Variants in ZCWPW2 observed in about 807,000 individuals in gnomAD.
The protein encoded by ZCWPW2 is zinc finger CW-type PWWP domain protein 2.
In ZCWPW2, 45 loss-of-function variants were observed where a neutral mutation model predicts 46.6. The observed-to-expected ratio is 0.96, with a 90% CI of 0.76 to 1.24. The LOEUF (loss-of-function observed/expected upper bound fraction) is 1.24. Ranked by LOEUF, ZCWPW2 falls within the 50% of genes most tolerant of loss-of-function variation. The pLI is 0.00. For missense variants in ZCWPW2, 429 were observed against 403.9 expected (o/e 1.06, Z -0.53); for synonymous variants, 152 against 137.1 (o/e 1.11, Z -0.76).
At chr3:28,483,277 T>C (rs562049927) in intron 5 of ZCWPW2, among the ~76,000 whole-genome samples, 1 of 152,336 alleles carries the variant, frequency 6.6e-6, no homozygotes, top group East Asian at 1.9e-4. Context: ...TGCTCCTTTA[T>C]CAATTATCTA....
intron 4 of ZCWPW2, among the ~76,000 whole-genome samples, chr3:28,441,230 C>T (rs964378502): frequency 2.0e-5 from 3 of 152,204 alleles, no homozygotes; most frequent in African/African-American, 7.2e-5. Flanking sequence ...ATACAAATAT[C>T]TTCACCGTTT....
intron 3 of ZCWPW2, among the ~76,000 whole-genome samples, chr3:28,421,237 T>C: frequency 6.6e-6 from 1 of 152,112 alleles, no homozygotes; most frequent in Admixed American, 6.6e-5. Context: ...CTCTAGGTAG[T>C]AGGGGTAGGA....
intron 4 of ZCWPW2, among the ~76,000 whole-genome samples, chr3:28,474,804 TTTGTTGTTGTTGTTGTTG>T (rs139673277): frequency 6.7e-6 from 1 of 148,828 alleles, no homozygotes; most frequent in Non-Finnish European, 1.5e-5. Context: ...GTCTGAACTA[TTTGTTGTTGTTGTTGTTG>T]TTGTTGTTGT....
Position 28,447,817 on chromosome 3 carries a change from T to A in ZCWPW2, c.492+12548T>A. 2 of 986,736 alleles carry A rather than the reference T, an allele frequency of 2.0e-6. 1 individual carries two copies. The allele number at this position is 986,736 out of a possible 1,614,324, so 61.1% of individuals were successfully genotyped here. On this transcript the variant is annotated intron_variant, in intron 4 of 9. Coordinates refer to ENST00000383768, the MANE Select transcript of ZCWPW2 (RefSeq NM_001040432.4). ...CCTGAACCCCTGGCAATAGAATTGT[T>A]TACCTTTATACAAAGAAGGTTGGGA... is the stretch of plus-strand genomic sequence containing the variant.
At chr3:28,381,369 A>C (rs1695098542) in intron 1 of ZCWPW2, among the ~76,000 whole-genome samples, 1 of 151,962 alleles carries the variant, frequency 6.6e-6, no homozygotes, top group African/African-American at 2.4e-5. Context: ...AAATGTTACC[A>C]AGAAAATCAT....
At chr3:28,378,030 G>A (rs961219542) in intron 1 of ZCWPW2, among the ~76,000 whole-genome samples, 2 of 151,978 alleles carry the variant, frequency 1.3e-5, no homozygotes, top group East Asian at 3.9e-4. Context: ...TCAGTTATCT[G>A]TATTATTACA....
rs1187124039 is a variant in ZCWPW2 at position 28,392,696 on chromosome 3, T to C, written c.-14+2079T>C. 3.9e-5 allele frequency among the ~76,000 whole-genome samples: 6 copies of C among 152,006 alleles called. No individual in the cohort carries two copies. The South Asian group carries it at 1.2e-3, about 32-fold the overall frequency. Reference sequence around the variant, plus strand: ...CACAAAATGTGGTAATTAAACAACATGTCCCTGCACAACCAATGGCTCACT... The same window carrying C: ...CACAAAATGTGGTAATTAAACAACACGTCCCTGCACAACCAATGGCTCACT... On this transcript the variant is annotated intron_variant, in intron 2 of 9. Coordinates refer to ENST00000383768, the MANE Select transcript of ZCWPW2 (RefSeq NM_001040432.4).
intron 1 of ZCWPW2, among the ~76,000 whole-genome samples, chr3:28,381,429 G>A (rs1695100838): frequency 6.6e-6 from 1 of 151,998 alleles, no homozygotes. Flanking sequence ...TCATCATGAA[G>A]GTCTTCGTCC....
chr3:28,509,366 AG>A (rs1700365213), intron 6 of ZCWPW2, among the ~76,000 whole-genome samples: 1 of 152,166 alleles, frequency 6.6e-6, no homozygotes, highest in Non-Finnish European at 1.5e-5. Flanking sequence ...ATGAGATCAT[AG>A]GGTAACTCTA....
intron 4 of ZCWPW2, among the ~76,000 whole-genome samples, chr3:28,453,149 A>G (rs1312489018): frequency 6.6e-6 from 1 of 152,184 alleles, no homozygotes; most frequent in Non-Finnish European, 1.5e-5. Flanking sequence ...GATTTGTTTG[A>G]TGGAATTTGG....
At chr3:28,363,758 A>G (rs895964088) in intron 1 of ZCWPW2, among the ~76,000 whole-genome samples, 11 of 152,208 alleles carry the variant, frequency 7.2e-5, no homozygotes, top group Admixed American at 2.0e-4. Flanking sequence ...AAACTAGCCA[A>G]TCTTAAACCT....
chr3:28,486,251 C>T (rs911521485), intron 5 of ZCWPW2, among the ~76,000 whole-genome samples: 2 of 152,062 alleles, frequency 1.3e-5, no homozygotes, highest in Non-Finnish European at 2.9e-5. Flanking sequence ...TGCTATCATT[C>T]ATTTTACTTA....
rs1242368594 is a variant in ZCWPW2 at position 28,413,111 on chromosome 3, T to C, written c.43T>C (p.Tyr15His). 1.6e-5 allele frequency: 25 copies of C among 1,612,562 alleles called. No individual in the cohort carries two copies. Among genetic ancestry groups the C allele is most frequent in the Non-Finnish European group, 2.0e-5 (24 of 1,179,236 alleles). The change falls in exon 3 of 10, where the codon TAT (tyrosine) becomes CAT (histidine). Residue 15 changes from tyrosine to histidine, a missense_variant. Coordinates refer to ENST00000383768, the MANE Select transcript of ZCWPW2 (RefSeq NM_001040432.4). ...GGATGTTAAGATTGAATATTGTAACTATGCAATGGATTCCTCAGTGGAAAA... is the reference window on the plus strand; with the variant it reads ...GGATGTTAAGATTGAATATTGTAACCATGCAATGGATTCCTCAGTGGAAAA... ...KLDVKIEYCNYAMDSSVENMY... is the reference protein window; with the variant it reads ...KLDVKIEYCNHAMDSSVENMY...
At chr3:28,381,050 G>GTATATATATA (rs60041322) in intron 1 of ZCWPW2, among the ~76,000 whole-genome samples, 5 of 12,116 alleles carry the variant, frequency 4.1e-4, no homozygotes, top group East Asian at 5.2e-3. Context: ...TATATTTGGT[G>GTATATATATA]TATATATATA....
intron 3 of ZCWPW2, among the ~76,000 whole-genome samples, chr3:28,416,956 A>G (rs536805479): frequency 6.7e-6 from 1 of 148,976 alleles, no homozygotes; most frequent in African/African-American, 2.5e-5. Context: ...ATGTTCATCA[A>G]GGATATTGGT....
chr3:28,360,560 G>T (rs554126524), intron 1 of ZCWPW2, among the ~76,000 whole-genome samples: 1 of 148,680 alleles, frequency 6.7e-6, no homozygotes, highest in African/African-American at 2.5e-5. Flanking sequence ...TGCATCTAAA[G>T]AAACAGCCTC....
intron 4 of ZCWPW2, among the ~76,000 whole-genome samples, chr3:28,477,552 A>G (rs747124311): frequency 3.3e-5 from 5 of 152,210 alleles, no homozygotes; most frequent in Admixed American, 6.5e-5. Context: ...GAAGTCAGAA[A>G]GTAGTAAATC....
At chr3:28,427,809 T>C (rs900724034) in intron 3 of ZCWPW2, among the ~76,000 whole-genome samples, 1 of 152,228 alleles carries the variant, frequency 6.6e-6, no homozygotes, top group Non-Finnish European at 1.5e-5. Context: ...TTATGCTGAA[T>C]GGAGTAGGTG....
chr3:28,449,146 C>G (rs980964115), intron 4 of ZCWPW2, among the ~76,000 whole-genome samples: 1 of 152,122 alleles, frequency 6.6e-6, no homozygotes, highest in African/African-American at 2.4e-5. Flanking sequence ...AAAGGACAAT[C>G]TTATCACCAA....
Sources: allele counts gnomAD v4.1 joint callset (sites outside exome capture counted in the v4.1 genomes callset), GRCh38; gene constraint gnomAD v4.1.1; transcripts MANE v1.5; gene names NCBI Gene and HGNC (gene_info 2026-07-23, HGNC 2026-07-21).